Variants in PMS2 observed in about 807,000 individuals in gnomAD.
PMS2 encodes PMS1 homolog 2, mismatch repair system component.
A neutral mutation model predicts 90.0 loss-of-function variants in PMS2; 69 were observed. The ratio of observed to expected loss-of-function variants is 0.77; its 90% CI spans 0.63 to 0.94. The LOEUF (loss-of-function observed/expected upper bound fraction) is 0.94. Among genes scored for constraint, PMS2 ranks in the 40% least tolerant of loss-of-function variants. PMS2 has a pLI of 0.00. For missense variants in PMS2, 966 were observed against 1,040.2 expected (o/e 0.93, Z 0.98); for synonymous variants, 332 against 375.1 (o/e 0.89, Z 1.33).
chr7:5,994,037 CA>C (rs1482108228), intron 8 of PMS2, among the ~76,000 whole-genome samples: 4 of 151,878 alleles, frequency 2.6e-5, no homozygotes, highest in Non-Finnish European at 5.9e-5. Context: ...ACACACAACA[CA>C]TATAATGTAT....
chr7:5,977,017 G>A (rs1294857326), intron 14 of PMS2, among the ~76,000 whole-genome samples: 2 of 117,714 alleles, frequency 1.7e-5, no homozygotes, highest in African/African-American at 6.3e-5. Flanking sequence ...GGGGACAGAG[G>A]GAGAATCTGT....
intron 8 of PMS2, among the ~76,000 whole-genome samples, chr7:5,995,195 G>A (rs913063476): frequency 1.3e-5 from 2 of 152,056 alleles, no homozygotes; most frequent in Admixed American, 6.6e-5. Context: ...GGAACACCAT[G>A]CCTGGTTATT....
At chr7:5,981,349 A>G (rs1487744336) in intron 12 of PMS2, among the ~76,000 whole-genome samples, 6 of 149,804 alleles carry the variant, frequency 4.0e-5, no homozygotes, top group Non-Finnish European at 7.4e-5. Flanking sequence ...GGCTCAAACG[A>G]TCCTCCCACC....
chr7:5,994,775 A>T (rs1262212359), intron 8 of PMS2, among the ~76,000 whole-genome samples: 3 of 151,762 alleles, frequency 2.0e-5, no homozygotes, highest in Non-Finnish European at 4.4e-5. Context: ...ACTCCGTCTC[A>T]GAAAAAAAAA....
In PMS2 at chr7:5,977,582, A is replaced by G. The variant is rs1170182390; in HGVS notation, c.2445+6T>C. On this transcript the variant is annotated splice_donor_region_variant and intron_variant, in intron 14 of 14. Transcript: ENST00000265849. ...CTGAGCTGACAGCCAGGCTTTCTTT[A>G]CTTACCGACTTCCGGCAGGCTCTGG... is the stretch of plus-strand genomic sequence containing the variant. 1 of 1,521,914 alleles carries G rather than the reference A, an allele frequency of 6.6e-7. No homozygotes were observed. Among genetic ancestry groups the G allele is most frequent in the Non-Finnish European group, 9.1e-7 (1 of 1,102,452 alleles). 94.3% of individuals were successfully genotyped at this position (1,521,914 alleles called of 1,614,324 possible).
chr7:5,993,056 C>G (rs1027721796), intron 8 of PMS2, among the ~76,000 whole-genome samples: 1 of 152,154 alleles, frequency 6.6e-6, no homozygotes, highest in African/African-American at 2.4e-5. Flanking sequence ...TGGCAGATTA[C>G]AAGCAAACTC....
chr7:6,008,905 A>G (rs535888279), intron 1 of PMS2, 92 bp downstream of exon 1: 8 of 1,488,734 alleles, frequency 5.4e-6, no homozygotes, highest in Non-Finnish European at 7.5e-6. Flanking sequence ...CGCCTCGGCC[A>G]TGTTCCCCCC....
intron 13 of PMS2, among the ~76,000 whole-genome samples, chr7:5,978,377 T>C (rs1294209334): frequency 4.0e-5 from 6 of 148,352 alleles, no homozygotes; most frequent in Non-Finnish European, 7.5e-5. Context: ...TTCAAGCGAT[T>C]CTCCCACCTC....
chr7:5,978,572 C>G (rs1452264516), intron 13 of PMS2, 24 bp downstream of exon 13: 1 of 1,583,106 alleles, frequency 6.3e-7, no homozygotes, highest in Non-Finnish European at 8.6e-7. Flanking sequence ...CACCCAGCCG[C>G]TATAGTTCTA....
Position 5,997,427 on chromosome 7 carries a change from A to T in PMS2, c.706-4T>A, listed in dbSNP as rs769605987. ...CAAAAGGAATGAGGCTTTGCAACTG[A>T]AAAAAAAAAAAAAAAATTCACAGTT... On this transcript the variant is annotated splice_region_variant and splice_polypyrimidine_tract_variant and intron_variant, in intron 6 of 14. Coordinates refer to ENST00000265849, the MANE Select transcript of PMS2 (RefSeq NM_000535.7). 21 of 115,494 alleles carry T rather than the reference A, an allele frequency of 1.8e-4. No homozygotes were observed. Among genetic ancestry groups the T allele is most frequent in the Non-Finnish European group, 2.6e-4 (21 of 81,732 alleles). 7.2% of individuals were successfully genotyped at this position (115,494 alleles called of 1,614,324 possible).
At chr7:5,993,963 A>T (rs2128766321) in intron 8 of PMS2, among the ~76,000 whole-genome samples, 1 of 152,102 alleles carries the variant, frequency 6.6e-6, no homozygotes, top group East Asian at 1.9e-4. Flanking sequence ...GTTTCTTCAA[A>T]TAGTTTTAGT....
intron 7 of PMS2, among the ~76,000 whole-genome samples, chr7:5,996,590 A>AAAAAAAT (rs56858711): frequency 1.1e-4 from 12 of 110,188 alleles, no homozygotes; most frequent in Admixed American, 3.9e-4. Flanking sequence ...AAAAAAAAAA[A>AAAAAAAT]ATATATATAT....
intron 11 of PMS2, among the ~76,000 whole-genome samples, chr7:5,984,407 G>T (rs11978631): frequency 0.11 from 17,400 of 151,756 alleles, 1,699 homozygotes; most frequent in African/African-American, 0.23. Context: ...TAAATCCGGT[G>T]AAAATGGATT....
intron 8 of PMS2, among the ~76,000 whole-genome samples, chr7:5,994,312 T>C (rs1192740895): frequency 6.8e-6 from 1 of 146,198 alleles, no homozygotes; most frequent in African/African-American, 2.5e-5. Flanking sequence ...ACTCGGGAGG[T>C]GGAGGTTGCA....
intron 1 of PMS2, among the ~76,000 whole-genome samples, chr7:6,008,439 T>C (rs753584548): frequency 2.5e-4 from 38 of 151,918 alleles, no homozygotes; most frequent in Admixed American, 1.7e-3. Context: ...CGCTCTACCG[T>C]CCCCAAAATA....
intron 2 of PMS2, among the ~76,000 whole-genome samples, chr7:6,004,956 G>A (rs1785555648): frequency 1.3e-5 from 2 of 151,696 alleles, no homozygotes; most frequent in South Asian, 2.1e-4. Context: ...CCAGGCTGGA[G>A]TGCAGTGGTA....
Position 5,996,577 on chromosome 7 carries a change from TAA to T in PMS2, c.803+747_803+748del, listed in dbSNP as rs775240349. 3.8e-3 allele frequency among the ~76,000 whole-genome samples: 351 copies of T among 93,076 alleles called. 1 individual carries two copies. Among genetic ancestry groups the T allele is most frequent in the Non-Finnish European group, 4.9e-3 (228 of 46,566 alleles). 61.1% of individuals were successfully genotyped at this position (93,076 alleles called of 152,430 possible). ...ACAAAGCAAGACTCCATCTCAAAGC[TAA>T]AAAAAAAAAAAATATATATATATAT... On this transcript the variant is annotated intron_variant, in intron 7 of 14. Coordinates refer to ENST00000265849, the MANE Select transcript of PMS2 (RefSeq NM_000535.7).
At chr7:5,985,220 CCT>C (rs1051162931) in intron 11 of PMS2, among the ~76,000 whole-genome samples, 2 of 151,896 alleles carry the variant, frequency 1.3e-5, no homozygotes, top group Non-Finnish European at 2.9e-5. Flanking sequence ...GCCTCAGCCC[CCT>C]GAGTACCTGG....
intron 5 of PMS2, among the ~76,000 whole-genome samples, chr7:6,001,368 A>G (rs1785066705): frequency 7.7e-6 from 1 of 129,932 alleles, no homozygotes; most frequent in Non-Finnish European, 1.6e-5. Context: ...ACCAAGAGAA[A>G]TATTCTTTTT....
Sources: allele counts gnomAD v4.1 joint callset (sites outside exome capture counted in the v4.1 genomes callset), GRCh38; gene constraint gnomAD v4.1.1; transcripts MANE v1.5; gene names NCBI Gene and HGNC (gene_info 2026-07-23, HGNC 2026-07-21).